Variants in CFAP221 observed in about 807,000 individuals in gnomAD.
CFAP221 encodes cilia- and flagella-associated protein 221.
A neutral mutation model predicts 113.1 loss-of-function variants in CFAP221; 97 were observed. That is an observed-to-expected ratio of 0.86 (90% CI 0.73 to 1.02). CFAP221 has a LOEUF of 1.02. Ranked by LOEUF, CFAP221 falls within the 50% of genes least tolerant of loss-of-function variation. CFAP221 has a pLI of 0.00. For synonymous variants in CFAP221, 331 were observed against 354.4 expected (o/e 0.93, Z 0.74); for missense variants, 1,025 against 1,013.4 (o/e 1.01, Z -0.16).
At chr2:119,560,813 G>A (rs545688510) in intron 5 of CFAP221, among the ~76,000 whole-genome samples, 9 of 152,092 alleles carry the variant, frequency 5.9e-5, no homozygotes, top group Admixed American at 3.3e-4. Flanking sequence ...ATAAAAATTT[G>A]CAAAGTTAAC....
chr2:119,573,248 G>A (rs1334266045), intron 6 of CFAP221: 1 of 152,206 alleles, frequency 6.6e-6, no homozygotes, highest in Non-Finnish European at 1.5e-5. Flanking sequence ...CAGATGTCAG[G>A]AGAAGACGAT....
chr2:119,627,588 A>C, intron 15 of CFAP221, 65 bp from the exon 16 acceptor site: 1 of 1,497,466 alleles, frequency 6.7e-7, no homozygotes, highest in Non-Finnish European at 9.1e-7. Flanking sequence ...ATGCAAATAT[A>C]TATGGTGATT....
intron 6 of CFAP221, among the ~76,000 whole-genome samples, chr2:119,578,652 T>C (rs549116143): frequency 3.9e-4 from 60 of 152,358 alleles, no homozygotes; most frequent in South Asian, 1.0e-3. Flanking sequence ...TATCTTGATG[T>C]TTCCCTCAAA....
chr2:119,612,963 G>T (rs1574133980), intron 13 of CFAP221, among the ~76,000 whole-genome samples: 1 of 152,198 alleles, frequency 6.6e-6, no homozygotes, highest in East Asian at 1.9e-4. Context: ...ATACAATGGG[G>T]GTACAGGCAT....
chr2:119,611,229 C>G (rs1236399276), intron 12 of CFAP221, among the ~76,000 whole-genome samples: 1 of 151,974 alleles, frequency 6.6e-6, no homozygotes, highest in African/African-American at 2.4e-5. Flanking sequence ...GTTACAGTTT[C>G]CTAAAATTCT....
intron 19 of CFAP221, among the ~76,000 whole-genome samples, chr2:119,633,348 G>GAAAA (rs55885662): frequency 6.6e-6 from 1 of 150,390 alleles, no homozygotes. Flanking sequence ...ATCCATAAAT[G>GAAAA]AAAAAAAAAT....
intron 8 of CFAP221, chr2:119,602,569 T>C: frequency 1.0e-6 from 1 of 959,230 alleles, no homozygotes; most frequent in East Asian, 1.2e-4. Flanking sequence ...ACTCACTCCA[T>C]GATATCTTAG....
intron 11 of CFAP221, among the ~76,000 whole-genome samples, chr2:119,606,287 C>T (rs1394750746): frequency 6.6e-6 from 1 of 151,852 alleles, no homozygotes; most frequent in Non-Finnish European, 1.5e-5. Flanking sequence ...GGTACGAGTC[C>T]CCATGCCTGA....
chr2:119,644,557 T>G (rs189792017), intron 21 of CFAP221, among the ~76,000 whole-genome samples: 19 of 152,252 alleles, frequency 1.2e-4, no homozygotes, highest in Non-Finnish European at 5.9e-5. Flanking sequence ...TTTGTTTTGG[T>G]GGGAAATGGG....
intron 7 of CFAP221, among the ~76,000 whole-genome samples, chr2:119,593,259 A>G (rs1251357788): frequency 6.6e-6 from 1 of 152,178 alleles, no homozygotes; most frequent in Non-Finnish European, 1.5e-5. Flanking sequence ...TGTGGTGTAT[A>G]CATATGAGTG....
intron 21 of CFAP221, among the ~76,000 whole-genome samples, chr2:119,645,977 G>A (rs551119047): frequency 6.6e-5 from 10 of 152,188 alleles, no homozygotes; most frequent in East Asian, 1.9e-4. Context: ...GGAAGGAGTC[G>A]AGACCCCAAA....
intron 1 of CFAP221, chr2:119,545,341 A>C (rs1398763155): frequency 6.6e-6 from 1 of 152,250 alleles, no homozygotes; most frequent in Non-Finnish European, 1.5e-5. Flanking sequence ...CAGGGTTATA[A>C]ATTATTAACA....
chr2:119,584,084 C>T (rs1308788619), intron 6 of CFAP221, among the ~76,000 whole-genome samples: 2 of 152,108 alleles, frequency 1.3e-5, no homozygotes, highest in African/African-American at 4.8e-5. Context: ...TGATTGAGGA[C>T]ATAAAATTAA....
chr2:119,648,987 G>A (rs759232049), intron 22 of CFAP221, among the ~76,000 whole-genome samples: 3 of 152,216 alleles, frequency 2.0e-5, no homozygotes, highest in Non-Finnish European at 2.9e-5. Context: ...CTCCTGCGCT[G>A]GTAGCAGTTA....
At chr2:119,594,341 T>C (rs1392052334) in intron 7 of CFAP221, among the ~76,000 whole-genome samples, 1 of 152,016 alleles carries the variant, frequency 6.6e-6, no homozygotes, top group African/African-American at 2.4e-5. Context: ...GTTCAAGCGA[T>C]CCTCCTGCCT....
chr2:119,658,716 C>T (rs1468656229), downstream of CFAP221, among the ~76,000 whole-genome samples: 1 of 152,016 alleles, frequency 6.6e-6, no homozygotes, highest in Non-Finnish European at 1.5e-5. Context: ...CGTGGTGGCT[C>T]ACGCCTGTAA....
At chr2:119,652,094 T>C (rs761815615) in intron 23 of CFAP221, 25 bp downstream of exon 23, 4 of 1,554,596 alleles carry the variant, frequency 2.6e-6, no homozygotes, top group East Asian at 4.5e-5. Context: ...TTATGCCTTA[T>C]TAAAAGGTAA....
chr2:119,632,798 A>G (rs1031977140), intron 19 of CFAP221, among the ~76,000 whole-genome samples: 1 of 152,136 alleles, frequency 6.6e-6, no homozygotes, highest in Non-Finnish European at 1.5e-5. Flanking sequence ...AGATTGCAGG[A>G]TGCAGAATCA....
At position 119,627,751 on chromosome 2, in the gene CFAP221, C is replaced by T; in HGVS notation, c.1615C>T (p.Pro539Ser). 2 of 1,613,874 alleles carry T rather than the reference C, an allele frequency of 1.2e-6. No homozygotes were observed. Among genetic ancestry groups the T allele is most frequent in the Non-Finnish European group, 8.5e-7 (1 of 1,179,950 alleles). ...CAAGGAGGTGCTGCCCTTCGCTTTC[C>T]CAGACTGCAGCCCACCCCAGGACTC... ...SPKEVLPFAF[P>S]DCSPPQDSNE... is the part of the protein sequence containing the mutation. The change falls in exon 16 of 24, where the codon CCA (proline) becomes TCA (serine). Residue 539 changes from proline to serine, a missense_variant. Transcript: ENST00000413369.
Sources: allele counts gnomAD v4.1 joint callset (sites outside exome capture counted in the v4.1 genomes callset), GRCh38; gene constraint gnomAD v4.1.1; transcripts MANE v1.5; gene names NCBI Gene and HGNC (gene_info 2026-07-23, HGNC 2026-07-21).